DTL: variants seen among roughly 807,000 people sequenced by gnomAD.
The protein encoded by DTL is denticleless protein homolog.
A neutral mutation model predicts 87.0 loss-of-function variants in DTL; 46 were observed. The observed-to-expected ratio is 0.53, with a 90% CI of 0.42 to 0.68. DTL has a LOEUF of 0.68. Ranked by LOEUF, DTL falls within the 30% of genes least tolerant of loss-of-function variation. DTL has a pLI of 0.00. For synonymous variants in DTL, 308 were observed against 311.2 expected (o/e 0.99, Z 0.11); for missense variants, 737 against 869.4 (o/e 0.85, Z 1.91).
intron 10 of DTL, 96 bp from the exon 11 acceptor site, chr1:212,072,005 C>A: frequency 1.2e-6 from 1 of 830,882 alleles, no homozygotes; most frequent in Admixed American, 2.0e-5. Context: ...ATAGGCAATA[C>A]AGTGATAAAA....
chr1:212,071,952 A>T (rs1654685957), intron 10 of DTL, 149 bp from the exon 11 acceptor site: 1 of 577,844 alleles, frequency 1.7e-6, no homozygotes, highest in East Asian at 2.8e-5. Context: ...GCCAATGTCT[A>T]GTTCCCTTGT....
At chr1:212,079,819 G>A (rs1571970823) in intron 12 of DTL, among the ~76,000 whole-genome samples, 1 of 152,134 alleles carries the variant, frequency 6.6e-6, no homozygotes, top group South Asian at 2.1e-4. Flanking sequence ...AAAGGAAAAA[G>A]CTGCCAGTCT....
At position 212,102,898 on chromosome 1, in the gene DTL, C is replaced by A. The variant is rs1655665202; in HGVS notation, c.2151C>A (p.Ser717=). 6.2e-7 allele frequency: 1 copy of A among 1,612,536 alleles called. No individual in the cohort carries two copies. Among genetic ancestry groups the A allele is most frequent in the East Asian group, 2.2e-5 (1 of 44,832 alleles). The change falls in exon 15 of 15, where the codon TCC becomes TCA. Residue 717 remains serine (S), a synonymous_variant. Coordinates refer to ENST00000366991, the MANE Select transcript of DTL (RefSeq NM_016448.4). ...RKICTYFHRK[S]QEDFCGPEHS... ...TCTGCACATACTTCCATAGAAAGTC[C>A]CAGGAGGACTTCTGTGGTCCTGAAC... is the stretch of plus-strand genomic sequence containing the variant.
At chr1:212,081,892 A>C (rs970813473) in intron 13 of DTL, among the ~76,000 whole-genome samples, 1 of 152,234 alleles carries the variant, frequency 6.6e-6, no homozygotes, top group Non-Finnish European at 1.5e-5. Context: ...TAAACACCCA[A>C]ATGGACATGT....
intron 6 of DTL, among the ~76,000 whole-genome samples, chr1:212,063,454 A>C (rs1006635670): frequency 2.0e-5 from 3 of 151,534 alleles, no homozygotes; most frequent in African/African-American, 7.3e-5. Context: ...ATGCCTGGCT[A>C]ATTTTTGTAT....
intron 5 of DTL, among the ~76,000 whole-genome samples, chr1:212,055,385 TATC>T (rs893543836): frequency 2.9e-4 from 44 of 152,242 alleles, no homozygotes; most frequent in African/African-American, 1.0e-3. Context: ...TCCAGAGAGA[TATC>T]ATACTGGGTC....
At chr1:212,065,688 G>A (rs900828581) in intron 7 of DTL, among the ~76,000 whole-genome samples, 16 of 152,112 alleles carry the variant, frequency 1.1e-4, no homozygotes, top group African/African-American at 2.9e-4. Context: ...TGTTGTTTTC[G>A]TAATACAAAC....
intron 14 of DTL, 85 bp downstream of exon 14, chr1:212,101,169 T>A: frequency 9.4e-7 from 1 of 1,062,996 alleles, no homozygotes; most frequent in Non-Finnish European, 1.3e-6. Context: ...TGCTTTTTTT[T>A]TTTTTTAAAG....
At chr1:212,059,691 G>A (rs776867507) in intron 5 of DTL, among the ~76,000 whole-genome samples, 30 of 135,770 alleles carry the variant, frequency 2.2e-4, no homozygotes, top group Non-Finnish European at 4.0e-4. Context: ...GCCAGAGAAA[G>A]AAGTAAAAAG....
At chr1:212,040,724 A>T (rs991067797) in intron 1 of DTL, among the ~76,000 whole-genome samples, 1 of 152,198 alleles carries the variant, frequency 6.6e-6, no homozygotes, top group African/African-American at 2.4e-5. Flanking sequence ...ACTCCCAACT[A>T]TGTGACAGAC....
chr1:212,044,839 C>G, intron 3 of DTL, 81 bp downstream of exon 3: 1 of 804,714 alleles, frequency 1.2e-6, no homozygotes, highest in Non-Finnish European at 2.1e-6. Context: ...TGAACACATT[C>G]TGTTTTAGTC....
chr1:212,066,715 A>T, intron 7 of DTL, 97 bp from the exon 8 acceptor site: 3 of 897,706 alleles, frequency 3.3e-6, no homozygotes, highest in South Asian at 1.5e-5. Context: ...CATCTAAGTC[A>T]GTCTGGGGAG....
chr1:212,089,786 A>G (rs954550409), intron 13 of DTL, among the ~76,000 whole-genome samples: 3 of 152,210 alleles, frequency 2.0e-5, no homozygotes, highest in African/African-American at 7.2e-5. Flanking sequence ...TACCAGCCTT[A>G]TCAGTAAATA....
At chr1:212,061,905 A>G (rs1654335810) in intron 5 of DTL, among the ~76,000 whole-genome samples, 1 of 152,170 alleles carries the variant, frequency 6.6e-6, no homozygotes. Flanking sequence ...ATACAAGCAT[A>G]AAGTTAGATA....
chr1:212,091,318 A>T (rs1447844154), intron 13 of DTL, among the ~76,000 whole-genome samples: 1 of 152,206 alleles, frequency 6.6e-6, no homozygotes, highest in African/African-American at 2.4e-5. Flanking sequence ...ATTGGTAAGG[A>T]TGTGGAGAAA....
At chr1:212,054,328 G>A (rs1668094371) in intron 5 of DTL, among the ~76,000 whole-genome samples, 1 of 151,232 alleles carries the variant, frequency 6.6e-6, no homozygotes, top group Admixed American at 6.6e-5. Flanking sequence ...TTGAAAGATG[G>A]CAGATTTTTT....
chr1:212,082,953 C>T (rs1042456511), intron 13 of DTL, among the ~76,000 whole-genome samples: 6 of 152,052 alleles, frequency 3.9e-5, no homozygotes, highest in Admixed American at 3.9e-4. Context: ...CTAGATTTAA[C>T]CAGGGATGTG....
intron 5 of DTL, among the ~76,000 whole-genome samples, chr1:212,054,192 G>A (rs1668086376): frequency 6.6e-6 from 1 of 152,102 alleles, no homozygotes; most frequent in South Asian, 2.1e-4. Context: ...GTCAGCCAGA[G>A]ACTTGGACTG....
chr1:212,080,805 C>T, intron 13 of DTL, 55 bp downstream of exon 13: 1 of 1,578,830 alleles, frequency 6.3e-7, no homozygotes, highest in Admixed American at 1.7e-5. Context: ...TTTAGTCCGA[C>T]AGTACAGAGT....
Sources: allele counts gnomAD v4.1 joint callset (sites outside exome capture counted in the v4.1 genomes callset), GRCh38; gene constraint gnomAD v4.1.1; transcripts MANE v1.5; gene names NCBI Gene and HGNC (gene_info 2026-07-23, HGNC 2026-07-21).